ARHGAP4: variants seen among roughly 807,000 people sequenced by gnomAD.
The protein encoded by ARHGAP4 is Rho GTPase activating protein 4, also known as rho GTPase-activating protein 4.
A neutral mutation model predicts 67.6 loss-of-function variants in ARHGAP4; 25 were observed. That is an observed-to-expected ratio of 0.37 (90% CI 0.27 to 0.52). ARHGAP4 has a LOEUF of 0.52. ARHGAP4 is among the 20% of genes least tolerant of loss of function. The pLI, the probability that ARHGAP4 is intolerant of heterozygous loss-of-function variation, is 0.92. For missense variants in ARHGAP4, 804 were observed against 854.6 expected (o/e 0.94, Z 0.74); for synonymous variants, 448 against 373.7 (o/e 1.20, Z -2.29).
chrX:153,913,453 G>A lies in ARHGAP4; in HGVS notation c.1282C>T (p.Arg428Trp), dbSNP rs782661709. Residue 428 changes from arginine to tryptophan, a missense_variant, in exon 9 of 22, where the codon CGG (arginine) becomes TGG (tryptophan). By Grantham distance (101) the Arg-to-Trp change is moderately radical. Coordinates refer to ENST00000350060, the MANE Select transcript of ARHGAP4 (RefSeq NM_001666.5). ...SSDPGSRQAG[R>W]RRGQQQETET... ...GTCTCCTGCTGCTGGCCGCGCCTCC[G>A]GCCCGCCTGCCGGCTGCCTGGGTCT... The A allele has an allele frequency of 1.4e-4, 173 of 1,210,241 alleles. No individual in the cohort carries two copies. Among genetic ancestry groups the A allele is most frequent in the Non-Finnish European group, 1.9e-4 (168 of 895,163 alleles).
At position 153,913,846 on chromosome X, in the gene ARHGAP4, C is replaced by T. The variant is rs138798744; in HGVS notation, c.1066G>A (p.Asp356Asn). The T allele has an allele frequency of 3.4e-5, 41 of 1,210,878 alleles. No individual in the cohort carries two copies. In the African/African-American group the frequency reaches 5.2e-4, roughly 15 times the overall value. The change falls in exon 8 of 22, where the codon GAC (aspartate) becomes AAC (asparagine). Residue 356 changes from aspartate (D) to asparagine (N), a missense_variant. Around this residue, in one of 2 missense-constraint regions of ARHGAP4, gnomAD observed 404 missense variants for 505.9 expected, o/e 0.80. Coordinates refer to ENST00000350060, the MANE Select transcript of ARHGAP4 (RefSeq NM_001666.5). ...AEICVEMELR[D>N]EILPRAQNIQ... is the part of the protein sequence containing the mutation. ...TTCTGGGCTCTGGGCAGAATCTCGT[C>T]CCGCAGCTCCATTTCAACGCAGATC...
chrX:153,912,980 G>A lies in ARHGAP4; in HGVS notation c.1439+44C>T, dbSNP rs1557103613. 3.5e-6 allele frequency: 4 copies of A among 1,153,838 alleles called. No homozygotes were observed. The Admixed American group carries it at 1.0e-4, about 30-fold the overall frequency. On this transcript the variant is annotated intron_variant, in intron 11 of 21. Coordinates refer to ENST00000350060, the MANE Select transcript of ARHGAP4 (RefSeq NM_001666.5). ...TGAGCTGGGCCCCAGGAAGAGAAGA[G>A]ATGGCGGACCGTCGCAGGGCCCCAG...
rs782118016 is a variant in ARHGAP4 at position 153,907,699 on chromosome X, C to T, written c.*30G>A. ...GAGTGGCCGGTCCAGCGGGTAGCCG[C>T]CGGGGGCACGCATCTCCAGCAGCGG... On this transcript the variant is annotated 3_prime_UTR_variant, in exon 22 of 22. Coordinates refer to ENST00000350060, the MANE Select transcript of ARHGAP4 (RefSeq NM_001666.5). The T allele has an allele frequency of 2.5e-5, 21 of 850,630 alleles. No homozygotes were observed. The highest frequency in any genetic ancestry group is 2.9e-5 in the Non-Finnish European group (19 of 644,679). 70.1% of individuals were successfully genotyped at this position (850,630 alleles called of 1,213,427 possible).
chrX:153,921,647 C>T lies in ARHGAP4; in HGVS notation c.230G>A (p.Arg77His), dbSNP rs902214643. ...LEKLAERFSS[R>H]GGRLGSSREH... ...CCGGCTGCTCCCCAGGCGGCCTCCA[C>T]GGCTGGAGAAGCGCTCGGCCAGCTT... Residue 77 changes from arginine to histidine, a missense_variant, in exon 2 of 22, where the codon CGT (arginine) becomes CAT (histidine). Physicochemically the swap from Arg to His is conservative, Grantham distance 29 (BLOSUM62 0). Around this residue, in one of 2 missense-constraint regions of ARHGAP4, gnomAD observed 404 missense variants for 505.9 expected, o/e 0.80. Coordinates refer to ENST00000350060, the MANE Select transcript of ARHGAP4 (RefSeq NM_001666.5). 1.7e-6 allele frequency: 2 copies of T among 1,209,880 alleles called. No homozygotes were observed. The highest frequency in any genetic ancestry group is 1.1e-6 in the Non-Finnish European group (1 of 894,921).
chrX:153,925,121 T>C (rs2065118769), intron 1 of ARHGAP4, among the ~76,000 whole-genome samples: 1 of 112,271 alleles, frequency 8.9e-6, no homozygotes, highest in Admixed American at 9.4e-5. Flanking sequence ...TACCTCCATC[T>C]GAGCAAGATG....
chrX:153,920,398 C>T (rs1172145426), intron 5 of ARHGAP4: 2 of 420,575 alleles, frequency 4.8e-6, no homozygotes, highest in Non-Finnish European at 8.0e-6. Flanking sequence ...GCAGGGGCCC[C>T]GCTGGGAGCA....
intron 8 of ARHGAP4, 49 bp downstream of exon 8, chrX:153,913,729 C>T (rs1557103831): frequency 1.7e-6 from 2 of 1,185,095 alleles, no homozygotes; most frequent in South Asian, 3.6e-5. Flanking sequence ...GCAGGCTGTA[C>T]AGGCTCCAGG....
At chrX:153,915,087 C>G (rs1347068183) in intron 7 of ARHGAP4, among the ~76,000 whole-genome samples, 1 of 112,100 alleles carries the variant, frequency 8.9e-6, no homozygotes, top group African/African-American at 3.2e-5. Context: ...TCCAACATGG[C>G]TGACCCTTGA....
rs1414101344 is a variant in ARHGAP4 at position 153,921,652 on chromosome X, G to A, written c.225C>T (p.Ser75=). 6.6e-6 allele frequency: 8 copies of A among 1,208,776 alleles called. No individual in the cohort carries two copies. The highest frequency in any genetic ancestry group is 8.9e-6 in the Non-Finnish European group (8 of 894,655). Residue 75 remains serine, a synonymous_variant, in exon 2 of 22, where the codon TCC becomes TCT. Coordinates refer to ENST00000350060, the MANE Select transcript of ARHGAP4 (RefSeq NM_001666.5). The stretch of plus-strand genomic sequence containing the variant: ...TGCTCCCCAGGCGGCCTCCACGGCT[G>A]GAGAAGCGCTCGGCCAGCTTTTCCA... ...RGLEKLAERF[S]SRGGRLGSSR...
chrX:153,921,035 C>G (rs1189811418), intron 4 of ARHGAP4, 62 bp downstream of exon 4: 24 of 1,143,263 alleles, frequency 2.1e-5, no homozygotes, highest in African/African-American at 3.6e-5. Flanking sequence ...GTTCCTCCCC[C>G]ACTGTGAGTG....
In ARHGAP4 at chrX:153,925,898, A is replaced by G. The variant is rs188231415; in HGVS notation, c.67+238T>C. Among the ~76,000 whole-genome samples the G allele has an allele frequency of 4.7e-3, 535 of 113,065 alleles. 8 individuals carry two copies. The highest frequency in any genetic ancestry group is 0.016 in the African/African-American group (501 of 31,207). ...ACCTTGGGTGAGAAGCGGTAGACCC[A>G]AGGAGGACAGAGACCAAAGGAAGGA... On this transcript the variant is annotated intron_variant, in intron 1 of 21. Transcript: ENST00000350060.
Position 153,912,767 on chromosome X carries a change from C to A in ARHGAP4, c.1475G>T (p.Arg492Leu). 1 of 1,211,308 alleles carries A rather than the reference C, an allele frequency of 8.3e-7. No individual in the cohort carries two copies. Among genetic ancestry groups the A allele is most frequent in the South Asian group, 1.8e-5 (1 of 56,931 alleles). The part of the protein sequence containing the change: ...QYTQRKFQKS[R>L]QPRPSSQYNQ... ...ATACTGGGAGCTGGGGCGGGGCTGG[C>A]GGCTCTTCTGGAATTTTCTCTGTGT... is the stretch of plus-strand genomic sequence containing the variant. Residue 492 changes from arginine to leucine, a missense_variant, in exon 12 of 22, where the codon CGC (arginine) becomes CTC (leucine). Transcript: ENST00000350060.
At chrX:153,926,040 C>T (rs1393691332) in intron 1 of ARHGAP4, 96 bp downstream of exon 1, 2 of 1,096,712 alleles carry the variant, frequency 1.8e-6, no homozygotes, top group Non-Finnish European at 2.4e-6. Flanking sequence ...CTGGGGAGAG[C>T]ATCGGGCCCT....
At chrX:153,909,301 C>T in intron 20 of ARHGAP4, 132 bp from the exon 21 acceptor site, 1 of 861,164 alleles carries the variant, frequency 1.2e-6, no homozygotes, top group Non-Finnish European at 1.6e-6. Flanking sequence ...CCTCTAGAGC[C>T]TCTCCCTGTC....
intron 7 of ARHGAP4, among the ~76,000 whole-genome samples, chrX:153,916,068 G>A (rs2065054078): frequency 8.9e-6 from 1 of 111,765 alleles, no homozygotes; most frequent in Non-Finnish European, 1.9e-5. Context: ...GTGTGACCTT[G>A]ATGGGCGAAG....
chrX:153,909,931 A>G lies in ARHGAP4; in HGVS notation c.2231-7T>C, dbSNP rs781865918. On this transcript the variant is annotated splice_polypyrimidine_tract_variant and splice_region_variant and intron_variant, in intron 18 of 21. Transcript: ENST00000350060. The stretch of plus-strand genomic sequence containing the variant: ...TCCACGACCCCCTCCAGGTCTGGGG[A>G]GGAGAGGGGGTCCAAGCTGTGGGAG... 9.6e-6 allele frequency: 11 copies of G among 1,149,663 alleles called. No individual in the cohort carries two copies. Among genetic ancestry groups the G allele is most frequent in the Non-Finnish European group, 1.3e-5 (11 of 857,344 alleles). 94.7% of individuals were successfully genotyped at this position (1,149,663 alleles called of 1,213,427 possible). A position where few individuals can be genotyped will look rare whatever the true frequency, so the allele number is the denominator to read the frequency against.
Position 153,921,519 on chromosome X carries a change from G to A in ARHGAP4, c.281C>T (p.Pro94Leu), listed in dbSNP as rs782495532. The A allele has an allele frequency of 2.5e-6, 3 of 1,194,290 alleles. No individual in the cohort carries two copies. Among genetic ancestry groups the A allele is most frequent in the Admixed American group, 4.5e-5 (2 of 44,337 alleles). The change falls in exon 3 of 22, where the codon CCG (proline) becomes CTG (leucine). Residue 94 changes from proline (P) to leucine (L), a missense_variant. Coordinates refer to ENST00000350060, the MANE Select transcript of ARHGAP4 (RefSeq NM_001666.5). ...SREHQSFRKE[P>L]SLLSPLHCWA... ...GCAGTGCAAGGGCGACAGGAGGGACGGCTCCTTCCTGGGGGTAGAGGGGCA... is the reference window on the plus strand; with the variant it reads ...GCAGTGCAAGGGCGACAGGAGGGACAGCTCCTTCCTGGGGGTAGAGGGGCA...
chrX:153,920,163 C>A (rs910187043), intron 5 of ARHGAP4, among the ~76,000 whole-genome samples: 1 of 112,284 alleles, frequency 8.9e-6, no homozygotes, highest in Non-Finnish European at 1.9e-5. Context: ...CCTAAGAACA[C>A]CTGAGATGCT....
In ARHGAP4 at chrX:153,907,727, C is replaced by A. The variant is rs1423471598; in HGVS notation, c.*2G>T. On this transcript the variant is annotated 3_prime_UTR_variant, in exon 22 of 22. Coordinates refer to ENST00000350060, the MANE Select transcript of ARHGAP4 (RefSeq NM_001666.5). ...GGGGCACGCATCTCCAGCAGCGGCA[C>A]CTCAGTGTGGCTTGGGGGTCGTGTC... 1 of 975,221 alleles carries A rather than the reference C, an allele frequency of 1.0e-6. No individual in the cohort carries two copies. The highest frequency in any genetic ancestry group is 3.7e-5 in the East Asian group (1 of 27,343). 80.4% of individuals were successfully genotyped at this position (975,221 alleles called of 1,213,427 possible).
Sources: allele counts gnomAD v4.1 joint callset (sites outside exome capture counted in the v4.1 genomes callset), GRCh38; gene constraint gnomAD v4.1.1; regional missense constraint gnomAD v4.1.1; transcripts MANE v1.5; gene names NCBI Gene and HGNC (gene_info 2026-07-23, HGNC 2026-07-21).